PIK3C2G: variants seen among roughly 807,000 people sequenced by gnomAD.
PIK3C2G encodes the protein phosphatidylinositol 3-kinase C2 domain-containing subunit gamma.
PIK3C2G carries 168 observed loss-of-function variants against 181.1 expected under a neutral mutation model. That is an observed-to-expected ratio of 0.93 (90% CI 0.82 to 1.05). PIK3C2G has a LOEUF of 1.05. Ranked by LOEUF, PIK3C2G falls within the 50% of genes least tolerant of loss-of-function variation. PIK3C2G has a pLI of 0.00. For synonymous variants in PIK3C2G, 573 were observed against 592.2 expected (o/e 0.97, Z 0.47); for missense variants, 1,869 against 1,732.8 (o/e 1.08, Z -1.40).
At chr12:18,454,203 T>C (rs1404986641) in intron 18 of PIK3C2G, among the ~76,000 whole-genome samples, 3 of 152,148 alleles carry the variant, frequency 2.0e-5, no homozygotes, top group African/African-American at 4.8e-5. Context: ...AACACCCTGA[T>C]GGAGTTTACA....
At chr12:18,594,984 C>CT (rs1238552976) in intron 30 of PIK3C2G, among the ~76,000 whole-genome samples, 3 of 151,928 alleles carry the variant, frequency 2.0e-5, no homozygotes, top group Non-Finnish European at 4.4e-5. Flanking sequence ...TGGTTGAGAA[C>CT]TTTTTTTATT....
intron 24 of PIK3C2G, among the ~76,000 whole-genome samples, chr12:18,524,857 C>A (rs1943134119): frequency 6.6e-6 from 1 of 151,574 alleles, no homozygotes; most frequent in Non-Finnish European, 1.5e-5. Flanking sequence ...CATGAGCCAC[C>A]CACCCGGCCT....
At chr12:18,472,734 C>A (rs1340487126) in intron 18 of PIK3C2G, among the ~76,000 whole-genome samples, 1 of 152,118 alleles carries the variant, frequency 6.6e-6, no homozygotes, top group Non-Finnish European at 1.5e-5. Context: ...AAGTCTCACT[C>A]TGTCACCCAG....
chr12:18,251,984 A>G (rs1161357266), intron 1 of PIK3C2G, among the ~76,000 whole-genome samples: 2 of 152,272 alleles, frequency 1.3e-5, no homozygotes, highest in East Asian at 1.9e-4. Flanking sequence ...TATTCTGTAA[A>G]TACTTAAATT....
chr12:18,721,991 T>C, the PIK3C2G span, among the ~76,000 whole-genome samples: 5 of 152,122 alleles, frequency 3.3e-5, no homozygotes, highest in East Asian at 9.7e-4. Flanking sequence ...AACTCATCTC[T>C]CTCTCATTCT....
chr12:18,563,232 C>T (rs11044185), intron 27 of PIK3C2G, 145 bp from the exon 28 acceptor site: 7,301 of 695,446 alleles, frequency 0.01, 59 homozygotes, highest in Non-Finnish European at 0.013. Context: ...TTTAATTTTG[C>T]CTTTACAAAA....
chr12:18,584,832 A>G (rs1946688209), intron 29 of PIK3C2G, among the ~76,000 whole-genome samples: 1 of 152,192 alleles, frequency 6.6e-6, no homozygotes, highest in South Asian at 2.1e-4. Context: ...CCATCAGGCT[A>G]ACAGTGGACC....
Position 18,486,759 on chromosome 12 carries a change from C to T in PIK3C2G, c.2505-1690C>T, listed in dbSNP as rs140584619. Among the ~76,000 whole-genome samples the T allele has an allele frequency of 1.5e-3, 227 of 152,106 alleles. 1 individual carries two copies. The highest frequency in any genetic ancestry group is 5.3e-3 in the African/African-American group (218 of 41,516). ...TACTCCATCGATCCACTCCCTATTC[C>T]GATGAATCCCATGTAGACTATAAAA... is the stretch of plus-strand genomic sequence containing the variant. On this transcript the variant is annotated intron_variant, in intron 18 of 32. Coordinates refer to ENST00000538779, the MANE Select transcript of PIK3C2G (RefSeq NM_001288772.2).
At chr12:18,496,746 A>T (rs578192144) in intron 21 of PIK3C2G, among the ~76,000 whole-genome samples, 1 of 152,146 alleles carries the variant, frequency 6.6e-6, no homozygotes, top group African/African-American at 2.4e-5. Flanking sequence ...TTGGCCAATT[A>T]TTCAGCCAAG....
Position 18,542,633 on chromosome 12 carries a change from C to A in PIK3C2G, c.3481-3690C>A, listed in dbSNP as rs1030529485. 2.5e-4 allele frequency among the ~76,000 whole-genome samples: 38 copies of A among 151,884 alleles called. 1 individual carries two copies. ...GTTCATGAGTTCTCACCATTTAGCT[C>A]CCTCTTATAAGTGAGAATATGCAGT... On this transcript the variant is annotated intron_variant, in intron 25 of 32. Coordinates refer to ENST00000538779, the MANE Select transcript of PIK3C2G (RefSeq NM_001288772.2).
At chr12:18,580,145 AG>A (rs199685190) in intron 29 of PIK3C2G, among the ~76,000 whole-genome samples, 7 of 149,208 alleles carry the variant, frequency 4.7e-5, no homozygotes, top group African/African-American at 7.4e-5. Flanking sequence ...AAAAAAAAAA[AG>A]AGAGAGAGAG....
chr12:18,435,966 C>CAA (rs763425326), intron 18 of PIK3C2G, among the ~76,000 whole-genome samples: 30 of 99,954 alleles, frequency 3.0e-4, no homozygotes, highest in East Asian at 1.4e-3. Context: ...CTACAAGTAA[C>CAA]AAAAAAAAAA....
chr12:18,460,144 T>C (rs1467321390), intron 18 of PIK3C2G, among the ~76,000 whole-genome samples: 2 of 152,190 alleles, frequency 1.3e-5, no homozygotes, highest in Non-Finnish European at 2.9e-5. Context: ...ATAATGACCC[T>C]GGACTGAGGT....
In PIK3C2G at chr12:18,362,670, C is replaced by T; in HGVS notation, c.1626-94C>T. 3.5e-6 allele frequency: 3 copies of T among 867,012 alleles called. No individual in the cohort carries two copies. The South Asian group carries it at 6.3e-5, about 18-fold the overall frequency. 53.7% of individuals were successfully genotyped at this position (867,012 alleles called of 1,614,324 possible). On this transcript the variant is annotated intron_variant, in intron 11 of 32. Coordinates refer to ENST00000538779, the MANE Select transcript of PIK3C2G (RefSeq NM_001288772.2). The stretch of plus-strand genomic sequence containing the variant: ...TTTATGCAAGCAGTCATCACTTTAT[C>T]ATTTGACTTTTGACTACAAAAATAA...
intron 11 of PIK3C2G, among the ~76,000 whole-genome samples, chr12:18,352,881 T>C (rs1259389152): frequency 6.6e-6 from 1 of 152,144 alleles, no homozygotes; most frequent in Non-Finnish European, 1.5e-5. Flanking sequence ...TTTCCTTCTC[T>C]GCCACTCTGC....
At chr12:18,320,914 C>A in intron 6 of PIK3C2G, 48 bp from the exon 7 acceptor site, 5 of 1,011,020 alleles carry the variant, frequency 4.9e-6, no homozygotes, top group Non-Finnish European at 7.6e-6. Flanking sequence ...TTATCTGGTA[C>A]TCATTCCTAT....
Position 18,614,375 on chromosome 12 carries a change from A to G in PIK3C2G, c.4182+4746A>G, listed in dbSNP as rs76774877. ...TATTTTTTAATGAAATAAACCATTA[A>G]TTGTTCTAAAACCTGTTATCAGTGA... On this transcript the variant is annotated intron_variant, in intron 31 of 32. Coordinates refer to ENST00000538779, the MANE Select transcript of PIK3C2G (RefSeq NM_001288772.2). Among the ~76,000 whole-genome samples, 450 of 152,210 alleles carry G rather than the reference A, an allele frequency of 3.0e-3. 16 individuals carry two copies. In the East Asian group the frequency reaches 0.074, roughly 25 times the overall value.
At chr12:18,305,323 T>C (rs150658732) in intron 5 of PIK3C2G, among the ~76,000 whole-genome samples, 119 of 140,338 alleles carry the variant, frequency 8.5e-4, no homozygotes, top group African/African-American at 2.8e-3. Flanking sequence ...AATGACAGCA[T>C]ATTTCAGCCC....
chr12:18,470,302 A>T (rs1422847586), intron 18 of PIK3C2G, among the ~76,000 whole-genome samples: 1 of 152,118 alleles, frequency 6.6e-6, no homozygotes, highest in Non-Finnish European at 1.5e-5. Flanking sequence ...TAGCAGAAAA[A>T]GTCTTCAAGC....
Sources: gnomAD v4.1 joint callset for allele counts (sites outside exome capture counted in the v4.1 genomes callset) on GRCh38, gnomAD v4.1.1 for gene constraint, MANE v1.5 for transcripts, NCBI Gene and HGNC (gene_info 2026-07-23, HGNC 2026-07-21) for gene names.